The following CPT1A variants were observed in gnomAD, a reference collection of about 807,000 sequenced individuals.
CPT1A encodes carnitine O-palmitoyltransferase 1, liver isoform.
Under a neutral mutation model 100.8 loss-of-function variants are expected in CPT1A, and 64 were observed. The observed-to-expected ratio is 0.63, with a 90% CI of 0.52 to 0.78. CPT1A has a LOEUF of 0.78. CPT1A is among the 30% of genes least tolerant of loss of function. The probability of loss-of-function intolerance (pLI) is 0.00; values close to 1 mark genes in which losing one functional copy is unlikely to be tolerated. For synonymous variants in CPT1A, 363 were observed against 396.0 expected (o/e 0.92, Z 0.99); for missense variants, 802 against 1,034.1 (o/e 0.78, Z 3.08).
chr11:68,800,197 C>A (rs544374284), intron 5 of CPT1A, among the ~76,000 whole-genome samples: 1 of 152,204 alleles, frequency 6.6e-6, no homozygotes, highest in East Asian at 1.9e-4. Flanking sequence ...AGGCCAGTGC[C>A]CCAGGTTCAG....
intron 13 of CPT1A, among the ~76,000 whole-genome samples, chr11:68,774,366 T>C (rs898491788): frequency 2.6e-5 from 4 of 152,106 alleles, no homozygotes; most frequent in Non-Finnish European, 5.9e-5. Context: ...AAAGGGTGTT[T>C]CAAATAGTCA....
chr11:68,781,481 G>T (rs191892923), intron 11 of CPT1A, among the ~76,000 whole-genome samples: 135 of 152,200 alleles, frequency 8.9e-4, no homozygotes, highest in Admixed American at 2.2e-3. Flanking sequence ...TTAGCCAGGC[G>T]TGGTGGCACA....
intron 1 of CPT1A, among the ~76,000 whole-genome samples, chr11:68,816,863 T>C (rs1856414689): frequency 7.4e-6 from 1 of 135,988 alleles, no homozygotes; most frequent in Admixed American, 7.5e-5. Context: ...GTGGTGTGTG[T>C]GTGTGGTGTA....
chr11:68,825,490 C>T (rs1276614812), intron 1 of CPT1A, among the ~76,000 whole-genome samples: 2 of 152,124 alleles, frequency 1.3e-5, no homozygotes, highest in Non-Finnish European at 2.9e-5. Context: ...TTTCCGGGGC[C>T]AGAGCATGTG....
At chr11:68,776,717 A>G (rs556149685) in intron 12 of CPT1A, among the ~76,000 whole-genome samples, 1 of 152,188 alleles carries the variant, frequency 6.6e-6, no homozygotes, top group African/African-American at 2.4e-5. Flanking sequence ...CGCCTCTACC[A>G]AAAATACAAA....
At position 68,825,484 on chromosome 11, in the gene CPT1A, C is replaced by T. The variant is rs75626294; in HGVS notation, c.-13-9997G>A. Among the ~76,000 whole-genome samples the T allele has an allele frequency of 2.4e-4, 37 of 152,264 alleles. No homozygotes were observed. The East Asian group carries it at 5.4e-3, about 22-fold the overall frequency. On this transcript the variant is annotated intron_variant, in intron 1 of 18. Transcript: ENST00000265641. ...TAAAACCAGGAGGAGCAAAGGTTTC[C>T]GGGGCCAGAGCATGTGGAAAGTTGG...
intron 14 of CPT1A, among the ~76,000 whole-genome samples, chr11:68,769,357 C>T (rs1854918475): frequency 6.6e-6 from 1 of 152,172 alleles, no homozygotes; most frequent in Non-Finnish European, 1.5e-5. Context: ...CCACCTTAGC[C>T]TCCGGAGTAC....
At chr11:68,776,208 G>A (rs1855136124) in intron 12 of CPT1A, among the ~76,000 whole-genome samples, 1 of 152,134 alleles carries the variant, frequency 6.6e-6, no homozygotes, top group African/African-American at 2.4e-5. Context: ...AAACCAGCTG[G>A]GCAACATAGT....
chr11:68,754,660 G>A, downstream of CPT1A: 1 of 648,534 alleles, frequency 1.5e-6, no homozygotes, highest in Non-Finnish European at 2.9e-6. Flanking sequence ...TATGTGTCAG[G>A]CACTGTTCTC....
intron 3 of CPT1A, among the ~76,000 whole-genome samples, chr11:68,810,939 C>T (rs753499238): frequency 1.5e-4 from 23 of 151,994 alleles, no homozygotes; most frequent in African/African-American, 2.7e-4. Context: ...GAGCCGAGAT[C>T]GCACCATCGC....
intron 9 of CPT1A, among the ~76,000 whole-genome samples, chr11:68,791,539 CT>C (rs1301980644): frequency 6.6e-6 from 1 of 152,074 alleles, no homozygotes; most frequent in Non-Finnish European, 1.5e-5. Context: ...GGAGTGGGTT[CT>C]TTTTTGTTTT....
At chr11:68,844,073 G>A (rs1326836241), upstream of CPT1A, 1 of 152,308 alleles carries the variant, frequency 6.6e-6, no homozygotes, top group Admixed American at 6.5e-5. Flanking sequence ...GCGCCGCCTA[G>A]GTGCCACCTG....
intron 14 of CPT1A, among the ~76,000 whole-genome samples, chr11:68,763,201 C>T (rs559882936): frequency 6.6e-6 from 1 of 152,052 alleles, no homozygotes; most frequent in East Asian, 1.9e-4. Flanking sequence ...TGGGTAGTGA[C>T]GTGGCAGCAG....
intron 15 of CPT1A, among the ~76,000 whole-genome samples, chr11:68,762,026 C>T (rs540904801): frequency 8.1e-4 from 123 of 152,328 alleles, no homozygotes; most frequent in Middle Eastern, 3.4e-3. Flanking sequence ...AGCACCTGCA[C>T]GCTGGAGTCA....
intron 1 of CPT1A, among the ~76,000 whole-genome samples, chr11:68,817,581 C>T (rs1301789388): frequency 6.6e-6 from 1 of 151,848 alleles, no homozygotes; most frequent in Admixed American, 6.6e-5. Flanking sequence ...GAAGGAGCAA[C>T]CATGGGAAGA....
chr11:68,760,362 T>C, intron 16 of CPT1A, 24 bp from the exon 17 acceptor site: 3 of 1,572,370 alleles, frequency 1.9e-6, no homozygotes, highest in Non-Finnish European at 2.6e-6. Context: ...CAGGGAAATG[T>C]TTCCTAATCC....
chr11:68,794,659 C>T, intron 8 of CPT1A, 145 bp downstream of exon 8: 2 of 724,868 alleles, frequency 2.8e-6, no homozygotes, highest in Non-Finnish European at 4.9e-6. Flanking sequence ...GATCCGCCTG[C>T]TTTGGCCTCC....
chr11:68,793,534 A>T, intron 8 of CPT1A, 132 bp from the exon 9 acceptor site: 3 of 639,730 alleles, frequency 4.7e-6, no homozygotes, highest in Non-Finnish European at 8.4e-6. Flanking sequence ...TCACGAGGTC[A>T]GTAGATGGAG....
At chr11:68,780,824 C>T in intron 11 of CPT1A, 79 bp from the exon 12 acceptor site, 1 of 1,016,860 alleles carries the variant, frequency 9.8e-7, no homozygotes, top group South Asian at 1.3e-5. Context: ...TCTGCTTCAT[C>T]CTGGATGGAC....
Sources: allele counts gnomAD v4.1 joint callset (sites outside exome capture counted in the v4.1 genomes callset), GRCh38; gene constraint gnomAD v4.1.1; transcripts MANE v1.5; gene names NCBI Gene and HGNC (gene_info 2026-07-23, HGNC 2026-07-21).